Variants in STK32B observed in about 807,000 individuals in gnomAD.
STK32B encodes serine/threonine kinase 32B.
A neutral mutation model predicts 52.6 loss-of-function variants in STK32B; 43 were observed. The ratio of observed to expected loss-of-function variants is 0.82; its 90% CI spans 0.64 to 1.05. The LOEUF is 1.05. Ranked by LOEUF, STK32B falls within the 50% of genes least tolerant of loss-of-function variation. The pLI is 0.00. For missense variants in STK32B, 621 were observed against 534.6 expected, an observed-to-expected ratio of 1.16 and a Z score of -1.59; for synonymous variants, 238 against 204.3, an observed-to-expected ratio of 1.17 and a Z score of -1.41.
intron 4 of STK32B, among the ~76,000 whole-genome samples, chr4:5,384,211 C>T (rs115521333): frequency 6.6e-4 from 100 of 152,178 alleles, no homozygotes; most frequent in African/African-American, 2.2e-3. Context: ...TTTTACTCTA[C>T]GGAGAAGTCC....
At position 5,248,483 on chromosome 4, in the gene STK32B, C is replaced by T. The variant is rs150695968; in HGVS notation, c.260+80033C>T. On this transcript the variant is annotated intron_variant, in intron 3 of 11. Coordinates refer to ENST00000282908, the MANE Select transcript of STK32B (RefSeq NM_018401.3). ...ATTTGATTTCTAAACATAGGGCCAC[C>T]ATTGCAAAACTGTACTGGTCAATTT... Among the ~76,000 whole-genome samples the T allele has an allele frequency of 2.0e-3, 302 of 152,260 alleles. 1 individual carries two copies. The highest frequency in any genetic ancestry group is 6.9e-3 in the African/African-American group (287 of 41,532).
At chr4:5,438,141 A>G (rs1714281147) in intron 6 of STK32B, 4 of 984,952 alleles carry the variant, frequency 4.1e-6, no homozygotes, top group Non-Finnish European at 4.8e-6. Context: ...ACCCTGCGCT[A>G]TTGGAGCTTG....
At chr4:5,144,571 C>T (rs989834048) in intron 2 of STK32B, among the ~76,000 whole-genome samples, 1 of 152,154 alleles carries the variant, frequency 6.6e-6, no homozygotes, top group Non-Finnish European at 1.5e-5. Context: ...CATGTGACAT[C>T]TGTCACTGCT....
At chr4:5,048,642 A>G (rs573813386), upstream of STK32B, among the ~76,000 whole-genome samples, 16 of 152,316 alleles carry the variant, frequency 1.1e-4, no homozygotes, top group South Asian at 2.9e-3. Flanking sequence ...CATGTTGGCC[A>G]GTCTCGAACT....
intron 2 of STK32B, among the ~76,000 whole-genome samples, chr4:5,159,823 T>C (rs1425938059): frequency 6.7e-6 from 1 of 148,464 alleles, no homozygotes; most frequent in South Asian, 2.1e-4. Context: ...TATTGGAGTT[T>C]GATTGATTTC....
At chr4:5,199,603 G>T (rs62298534) in intron 3 of STK32B, among the ~76,000 whole-genome samples, 2 of 150,578 alleles carry the variant, frequency 1.3e-5, no homozygotes, top group African/African-American at 2.4e-5. Context: ...ACTTCTCTTT[G>T]GTTTTCTAAT....
chr4:5,339,807 T>C (rs764596392), intron 4 of STK32B, among the ~76,000 whole-genome samples: 1 of 152,326 alleles, frequency 6.6e-6, no homozygotes, highest in African/African-American at 2.4e-5. Flanking sequence ...TGGGCTGTTA[T>C]GCAAATTTTA....
chr4:5,086,734 A>AT (rs1712752834), intron 1 of STK32B, among the ~76,000 whole-genome samples: 1 of 152,196 alleles, frequency 6.6e-6, no homozygotes, highest in Non-Finnish European at 1.5e-5. Flanking sequence ...GTGTAGTAAG[A>AT]TTAACAGCTG....
rs1560441114 is a variant in STK32B at position 5,469,229 on chromosome 4, C to CA, written c.1106+1165dup. Reference sequence around the variant, plus strand: ...CAGGAGATTCAAATATTGATTGACTCAAAAAATCATTGATTACAGGCCCTT... The same window carrying CA: ...CAGGAGATTCAAATATTGATTGACTCAAAAAAATCATTGATTACAGGCCCTT... On this transcript the variant is annotated intron_variant, in intron 11 of 11. Transcript: ENST00000282908. The surrounding 1 kb of genome is among the most constrained non-coding windows in gnomAD (Gnocchi z 4.7). 1.3e-5 allele frequency among the ~76,000 whole-genome samples: 2 copies of CA among 152,088 alleles called. No individual in the cohort carries two copies. The highest frequency in any genetic ancestry group is 2.1e-4 in the South Asian group (1 of 4,822).
intron 3 of STK32B, among the ~76,000 whole-genome samples, chr4:5,279,560 T>G (rs989174874): frequency 6.6e-6 from 1 of 152,150 alleles, no homozygotes; most frequent in African/African-American, 2.4e-5. Context: ...GATCAACCAT[T>G]CTGGGGTCTG....
chr4:5,082,128 T>C (rs906376910), intron 1 of STK32B, among the ~76,000 whole-genome samples: 1 of 152,180 alleles, frequency 6.6e-6, no homozygotes, highest in African/African-American at 2.4e-5. Context: ...CTTTTTTTTT[T>C]CTCCCTTGGA....
chr4:5,463,478 T>TCA (rs3836546), intron 9 of STK32B, among the ~76,000 whole-genome samples: 54,943 of 151,724 alleles, frequency 0.36, 10,790 homozygotes, highest in Non-Finnish European at 0.43. Context: ...ACTCACACAC[T>TCA]CAGTCACACT....
intron 6 of STK32B, 139 bp downstream of exon 6, chr4:5,417,073 T>TA (rs758857583): frequency 4.2e-6 from 3 of 716,258 alleles, no homozygotes; most frequent in Non-Finnish European, 6.7e-6. Context: ...TCCCAGTAGA[T>TA]ACAATGCTCC....
intron 3 of STK32B, among the ~76,000 whole-genome samples, chr4:5,263,197 C>T (rs943695998): frequency 7.2e-6 from 1 of 139,066 alleles, no homozygotes. Flanking sequence ...AGAGGGACCT[C>T]TCACTGGAGG....
chr4:5,315,871 AT>A (rs1282652063), intron 3 of STK32B, among the ~76,000 whole-genome samples: 1 of 150,488 alleles, frequency 6.6e-6, no homozygotes, highest in Non-Finnish European at 1.5e-5. Flanking sequence ...CGCCCAGCTA[AT>A]TTTTGTATTT....
At chr4:5,057,906 T>C (rs1256502084) in intron 1 of STK32B, among the ~76,000 whole-genome samples, 1 of 152,120 alleles carries the variant, frequency 6.6e-6, no homozygotes, top group East Asian at 1.9e-4. Context: ...TGAGGACACA[T>C]AGTTTAGGAT....
intron 1 of STK32B, among the ~76,000 whole-genome samples, chr4:5,103,187 T>C (rs1223324699): frequency 6.6e-6 from 1 of 151,730 alleles, no homozygotes; most frequent in African/African-American, 2.4e-5. Context: ...AAGAATGAAA[T>C]GTGTCAAAGA....
chr4:5,164,117 T>C (rs1248004149), intron 2 of STK32B, among the ~76,000 whole-genome samples: 1 of 152,238 alleles, frequency 6.6e-6, no homozygotes, highest in Non-Finnish European at 1.5e-5. Flanking sequence ...TAGATTGTGA[T>C]AACTTCCTAA....
chr4:5,446,911 TC>T lies in STK32B; in HGVS notation c.666+137del, dbSNP rs1715505652. ...GGAGTCACTGCCCCCCAGGTTTCAG[TC>T]CTGATGCCTGTGTGCCGCCTATGAA... On this transcript the variant is annotated intron_variant, in intron 7 of 11. Transcript: ENST00000282908. 3.1e-5 allele frequency: 23 copies of T among 750,038 alleles called. No homozygotes were observed. In the South Asian group the frequency reaches 3.4e-4, roughly 11 times the overall value. The allele number at this position is 750,038 out of a possible 1,614,324, so 46.5% of individuals were successfully genotyped here. A position where few individuals can be genotyped will look rare whatever the true frequency, so the allele number is the denominator to read the frequency against.
Sources: gnomAD v4.1 joint callset for allele counts (sites outside exome capture counted in the v4.1 genomes callset) on GRCh38, gnomAD v4.1.1 for gene constraint, Gnocchi (gnomAD v3.1) non-coding constraint, MANE v1.5 for transcripts, NCBI Gene and HGNC (gene_info 2026-07-23, HGNC 2026-07-21) for gene names.